Variants in CNTNAP2 observed in about 807,000 individuals in gnomAD.
CNTNAP2 encodes contactin-associated protein-like 2.
Under a neutral mutation model 155.2 loss-of-function variants are expected in CNTNAP2, and 98 were observed. That is an observed-to-expected ratio of 0.63 (90% CI 0.54 to 0.75). The LOEUF is 0.75. Ranked by LOEUF, CNTNAP2 falls within the 30% of genes least tolerant of loss-of-function variation. The pLI is 0.00. For synonymous variants in CNTNAP2, 651 were observed against 631.2 expected (o/e 1.03, Z -0.47); for missense variants, 1,727 against 1,688.1 (o/e 1.02, Z -0.40).
At chr7:146,424,736 T>C (rs752168031) in intron 1 of CNTNAP2, among the ~76,000 whole-genome samples, 7 of 152,118 alleles carry the variant, frequency 4.6e-5, no homozygotes, top group Non-Finnish European at 7.4e-5. Flanking sequence ...AGAATAACAG[T>C]CTCAAGCTTA....
chr7:148,402,519 T>G (rs1034184930), intron 22 of CNTNAP2, among the ~76,000 whole-genome samples: 1 of 152,200 alleles, frequency 6.6e-6, no homozygotes, highest in Non-Finnish European at 1.5e-5. Context: ...TCTTAGTCGA[T>G]AACCATTTGT....
Position 146,232,048 on chromosome 7 carries a change from A to G in CNTNAP2, c.97+115075A>G, listed in dbSNP as rs1799394551. ...CCATGCTAAGGTTCAAGAAACTATA[A>G]AAGAGGCTGGCTGACTATCTCTCAA... On this transcript the variant is annotated intron_variant, in intron 1 of 23. Transcript: ENST00000361727. 2.6e-5 allele frequency among the ~76,000 whole-genome samples: 4 copies of G among 151,966 alleles called. No individual in the cohort carries two copies. The South Asian group carries it at 8.3e-4, about 31-fold the overall frequency.
intron 1 of CNTNAP2, among the ~76,000 whole-genome samples, chr7:146,256,148 C>T (rs1799833325): frequency 1.3e-5 from 2 of 152,134 alleles, no homozygotes; most frequent in South Asian, 4.1e-4. Flanking sequence ...TTCTTTGGGT[C>T]ATAGGTCTTC....
chr7:147,724,446 C>T (rs1796614087), intron 13 of CNTNAP2, among the ~76,000 whole-genome samples: 1 of 151,994 alleles, frequency 6.6e-6, no homozygotes, highest in African/African-American at 2.4e-5. Context: ...GTTGCAGGGT[C>T]TGTTTTATAA....
intron 6 of CNTNAP2, 61 bp downstream of exon 6, chr7:147,121,224 G>C: frequency 1.3e-6 from 2 of 1,508,208 alleles, no homozygotes; most frequent in Non-Finnish European, 1.8e-6. Context: ...CTCTCCTACT[G>C]TATTGTATTA....
chr7:148,368,172 TC>T (rs1374994693), intron 21 of CNTNAP2, among the ~76,000 whole-genome samples: 2 of 152,216 alleles, frequency 1.3e-5, no homozygotes, highest in African/African-American at 4.8e-5. Context: ...TTGTCTCTTA[TC>T]CTTTGAATAG....
intron 15 of CNTNAP2, among the ~76,000 whole-genome samples, chr7:148,072,774 C>T (rs1158938483): frequency 1.3e-5 from 2 of 152,224 alleles, no homozygotes; most frequent in Non-Finnish European, 2.9e-5. Flanking sequence ...GTAGTGCGAT[C>T]TTGGCTCGCT....
At chr7:147,775,360 TATAAA>T (rs1303718525) in intron 13 of CNTNAP2, among the ~76,000 whole-genome samples, 14 of 48,960 alleles carry the variant, frequency 2.9e-4, no homozygotes, top group African/African-American at 5.4e-4. Flanking sequence ...TATATATATT[TATAAA>T]TATATATATA....
At chr7:146,486,355 C>A in intron 1 of CNTNAP2, among the ~76,000 whole-genome samples, 1 of 151,846 alleles carries the variant, frequency 6.6e-6, no homozygotes, top group East Asian at 1.9e-4. Context: ...TGAGCAACAG[C>A]GCCCAGCCAC....
Position 146,293,525 on chromosome 7 carries a change from A to C in CNTNAP2, c.97+176552A>C, listed in dbSNP as rs936072533. Among the ~76,000 whole-genome samples the C allele has an allele frequency of 9.1e-4, 138 of 152,188 alleles. 1 individual carries two copies. Among genetic ancestry groups the C allele is most frequent in the Non-Finnish European group, 5.9e-4 (40 of 68,024 alleles). ...CTTCTGAAACAATATACACTATTAT[A>C]TCTTGATTGATAGTTAACATTTAGT... is the stretch of plus-strand genomic sequence containing the variant. On this transcript the variant is annotated intron_variant, in intron 1 of 23. Transcript: ENST00000361727.
intron 8 of CNTNAP2, among the ~76,000 whole-genome samples, chr7:147,200,162 C>T (rs1465017559): frequency 6.6e-6 from 1 of 151,804 alleles, no homozygotes; most frequent in African/African-American, 2.4e-5. Context: ...CCTGTTGCTC[C>T]AGAGACAACC....
At position 146,465,336 on chromosome 7, in the gene CNTNAP2, A is replaced by C. The variant is rs1010172231; in HGVS notation, c.98-308935A>C. The stretch of plus-strand genomic sequence containing the variant: ...GTAGCAAAAAGGACTCAGATTGTGG[A>C]ATGGCCTTGAGCAAAGCATTAAGGT... On this transcript the variant is annotated intron_variant, in intron 1 of 23. Coordinates refer to ENST00000361727, the MANE Select transcript of CNTNAP2 (RefSeq NM_014141.6). Among the ~76,000 whole-genome samples, 7 of 152,268 alleles carry C rather than the reference A, an allele frequency of 4.6e-5. No homozygotes were observed. In the East Asian group the frequency reaches 1.4e-3, roughly 29 times the overall value.
chr7:146,685,186 A>C (rs1236733982), intron 1 of CNTNAP2, among the ~76,000 whole-genome samples: 1 of 152,190 alleles, frequency 6.6e-6, no homozygotes, highest in Non-Finnish European at 1.5e-5. Flanking sequence ...TTGACATAAA[A>C]GAATGACAAC....
intron 1 of CNTNAP2, among the ~76,000 whole-genome samples, chr7:146,692,931 A>G (rs1199109746): frequency 6.6e-6 from 1 of 152,132 alleles, no homozygotes; most frequent in African/African-American, 2.4e-5. Flanking sequence ...TGAAACTGCC[A>G]TGAAATACAC....
chr7:148,229,503 C>T, intron 19 of CNTNAP2, 143 bp from the exon 20 acceptor site: 1 of 1,112,958 alleles, frequency 9.0e-7, no homozygotes, highest in Non-Finnish European at 1.3e-6. Context: ...CCAGCCTGGG[C>T]AAGAGCAAGA....
intron 15 of CNTNAP2, among the ~76,000 whole-genome samples, chr7:148,044,096 A>C (rs1194851519): frequency 6.6e-6 from 1 of 152,226 alleles, no homozygotes; most frequent in African/African-American, 2.4e-5. Context: ...AAGCATAAGG[A>C]GATAACACGG....
Position 148,172,387 on chromosome 7 carries a change from CTG to C in CNTNAP2, c.2922_2923del (p.Cys974Ter), listed in dbSNP as rs1805809633. On this transcript the variant is annotated frameshift_variant, in exon 18 of 24. Transcript: ENST00000361727. LOFTEE classifies it high-confidence loss of function. ...GCCATTGCACCAGCTATGGAACAAA[CTG>C]TGAAAATGGAGGCAAATGCCTAGAG... Reference protein sequence around the residue: ...SGHCTSYGTNCENGGKCLERY... With the variant: ...SGHCTSYGTNXENGGKCLERY... The C allele has an allele frequency of 6.2e-7, 1 of 1,614,140 alleles. No individual in the cohort carries two copies.
chr7:147,281,088 G>A (rs972139306), intron 8 of CNTNAP2, among the ~76,000 whole-genome samples: 14 of 151,782 alleles, frequency 9.2e-5, no homozygotes, highest in African/African-American at 3.4e-4. Flanking sequence ...AAGTAACTCT[G>A]GCTGTTACAC....
At chr7:147,419,314 C>T (rs1797249703) in intron 10 of CNTNAP2, among the ~76,000 whole-genome samples, 1 of 152,140 alleles carries the variant, frequency 6.6e-6, no homozygotes, top group East Asian at 1.9e-4. Context: ...TCCCTGCTTG[C>T]CCTCTCATTC....
Sources: gnomAD v4.1 joint callset for allele counts (sites outside exome capture counted in the v4.1 genomes callset) on GRCh38, gnomAD v4.1.1 for gene constraint, MANE v1.5 for transcripts, NCBI Gene and HGNC (gene_info 2026-07-23, HGNC 2026-07-21) for gene names.